The following SAMD4A variants were observed in gnomAD, a reference collection of about 807,000 sequenced individuals.
The protein encoded by SAMD4A is protein Smaug homolog 1.
A neutral mutation model predicts 81.3 loss-of-function variants in SAMD4A; 33 were observed. The observed-to-expected ratio is 0.41, with a 90% CI of 0.31 to 0.54. The LOEUF (loss-of-function observed/expected upper bound fraction) is 0.54, where lower values mean the gene tolerates loss of function less well. Ranked by LOEUF, SAMD4A falls within the 20% of genes least tolerant of loss-of-function variation. The pLI is 0.37. For missense variants in SAMD4A, 854 were observed against 951.1 expected (o/e 0.90, Z 1.34); for synonymous variants, 389 against 382.1 (o/e 1.02, Z -0.21).
intron 2 of SAMD4A, among the ~76,000 whole-genome samples, chr14:54,592,499 G>T (rs1003589205): frequency 6.6e-6 from 1 of 151,594 alleles, no homozygotes; most frequent in Admixed American, 6.6e-5. Context: ...TCGCTCTGTC[G>T]CCCAGGCTGG....
At chr14:54,750,488 T>A (rs2038075631) in intron 5 of SAMD4A, among the ~76,000 whole-genome samples, 2 of 152,208 alleles carry the variant, frequency 1.3e-5, no homozygotes, top group Admixed American at 1.3e-4. Flanking sequence ...ATCCTTAGGC[T>A]CACCATTGCT....
At chr14:54,607,237 G>T (rs2034231750) in intron 2 of SAMD4A, among the ~76,000 whole-genome samples, 1 of 125,770 alleles carries the variant, frequency 8.0e-6, no homozygotes, top group Admixed American at 8.3e-5. Context: ...GTAGCCCTCT[G>T]AGGAATGAAG....
rs556107493 is a variant in SAMD4A, at chr14:54,670,332, A to G, written c.197-31730A>G. On this transcript the variant is annotated intron_variant, in intron 2 of 12. Coordinates refer to ENST00000554335, the MANE Select transcript of SAMD4A (RefSeq NM_015589.6). The stretch of plus-strand genomic sequence containing the variant: ...GGAAGAAATGTGCATGTGTAAGGGT[A>G]GCTTTTCACATAAAAGACCAAAACC... Among the ~76,000 whole-genome samples, 4 of 152,352 alleles carry G rather than the reference A, an allele frequency of 2.6e-5. No homozygotes were observed. In the East Asian group the frequency reaches 7.7e-4, roughly 29 times the overall value.
At chr14:54,644,431 A>G (rs1339379512) in intron 2 of SAMD4A, among the ~76,000 whole-genome samples, 1 of 152,220 alleles carries the variant, frequency 6.6e-6, no homozygotes, top group African/African-American at 2.4e-5. Flanking sequence ...GCACCTGGCT[A>G]TGTACTTGAC....
chr14:54,638,698 G>A (rs147436090), intron 2 of SAMD4A, among the ~76,000 whole-genome samples: 1 of 152,248 alleles, frequency 6.6e-6, no homozygotes, highest in East Asian at 1.9e-4. Context: ...TAAGCCAGTC[G>A]TTTATCATGT....
chr14:54,777,601 C>G (rs1254462089), intron 11 of SAMD4A, among the ~76,000 whole-genome samples: 2 of 152,028 alleles, frequency 1.3e-5, no homozygotes, highest in Non-Finnish European at 2.9e-5. Flanking sequence ...ACTCTGGCCA[C>G]TCTCCCTGGG....
intron 2 of SAMD4A, among the ~76,000 whole-genome samples, chr14:54,690,752 GT>G (rs2036412105): frequency 6.6e-6 from 1 of 152,056 alleles, no homozygotes; most frequent in African/African-American, 2.4e-5. Flanking sequence ...ACTTCCAAAG[GT>G]GATGGTATGA....
At chr14:54,592,206 T>C (rs2033796511) in intron 2 of SAMD4A, among the ~76,000 whole-genome samples, 1 of 152,184 alleles carries the variant, frequency 6.6e-6, no homozygotes, top group African/African-American at 2.4e-5. Context: ...CTTCAACACT[T>C]ATCTACATTC....
chr14:54,653,298 TTAATATTA>T (rs1258122282), intron 2 of SAMD4A, among the ~76,000 whole-genome samples: 2 of 124,036 alleles, frequency 1.6e-5, no homozygotes, highest in Admixed American at 1.8e-4. Context: ...AGACTTCCTC[TTAATATTA>T]TTATTATTAT....
At chr14:54,761,991 T>C (rs918087017) in intron 7 of SAMD4A, among the ~76,000 whole-genome samples, 1 of 152,212 alleles carries the variant, frequency 6.6e-6, no homozygotes, top group African/African-American at 2.4e-5. Context: ...GTGCTTACAG[T>C]AGATGCCTCA....
At chr14:54,577,789 G>T (rs1470960786) in intron 2 of SAMD4A, among the ~76,000 whole-genome samples, 1 of 152,186 alleles carries the variant, frequency 6.6e-6, no homozygotes, top group Non-Finnish European at 1.5e-5. Context: ...ATGGCGGGGG[G>T]GCACTCGAAA....
At chr14:54,590,048 C>T (rs1054101104) in intron 2 of SAMD4A, among the ~76,000 whole-genome samples, 1 of 152,174 alleles carries the variant, frequency 6.6e-6, no homozygotes, top group Non-Finnish European at 1.5e-5. Context: ...TTGTTGACTG[C>T]TTTTTCTCTA....
At chr14:54,580,215 A>G (rs866988678) in intron 2 of SAMD4A, among the ~76,000 whole-genome samples, 50 of 152,210 alleles carry the variant, frequency 3.3e-4, no homozygotes, top group African/African-American at 1.0e-3. Flanking sequence ...CAACTTTCTC[A>G]TGGCCGACTT....
At chr14:54,712,755 AC>A (rs1485449914) in intron 3 of SAMD4A, among the ~76,000 whole-genome samples, 2 of 152,142 alleles carry the variant, frequency 1.3e-5, no homozygotes, top group African/African-American at 2.4e-5. Flanking sequence ...GGCTGCATGC[AC>A]CTTGGGTCAT....
At position 54,790,650 on chromosome 14, in the gene SAMD4A, C is replaced by A. The variant is rs1470627868; in HGVS notation, c.*1706C>A. The A allele has an allele frequency of 6.6e-6, 1 of 150,608 alleles. No homozygotes were observed. Among genetic ancestry groups the A allele is most frequent in the Non-Finnish European group, 1.5e-5 (1 of 67,940 alleles). The allele number at this position is 150,608 out of a possible 1,614,324, so 9.3% of individuals were successfully genotyped here. ...GAGATGGTACAAGGCCTGTTTGTTA[C>A]ATGGATGAGTCGGGTGCCTGGTTGT... On this transcript the variant is annotated 3_prime_UTR_variant, in exon 13 of 13. Transcript: ENST00000554335.
At chr14:54,733,701 C>G (rs976785708) in intron 3 of SAMD4A, among the ~76,000 whole-genome samples, 4 of 152,158 alleles carry the variant, frequency 2.6e-5, no homozygotes, top group African/African-American at 9.7e-5. Context: ...TAGCCATTGT[C>G]TGCTGCACAT....
At chr14:54,641,445 C>G (rs549187237) in intron 2 of SAMD4A, among the ~76,000 whole-genome samples, 3 of 152,332 alleles carry the variant, frequency 2.0e-5, no homozygotes, top group South Asian at 4.1e-4. Context: ...TATCTTAATT[C>G]TAGATTCTCA....
At chr14:54,682,062 G>A (rs958212723) in intron 2 of SAMD4A, 2 of 985,128 alleles carry the variant, frequency 2.0e-6, no homozygotes, top group Non-Finnish European at 2.4e-6. Flanking sequence ...CCTGAGGTAG[G>A]TATTTCATTA....
intron 6 of SAMD4A, among the ~76,000 whole-genome samples, chr14:54,757,189 T>C (rs2038261674): frequency 6.6e-6 from 1 of 152,196 alleles, no homozygotes; most frequent in South Asian, 2.1e-4. Context: ...GTCAGGAACA[T>C]GACCTGATGA....
Sources: allele counts gnomAD v4.1 joint callset (sites outside exome capture counted in the v4.1 genomes callset), GRCh38; gene constraint gnomAD v4.1.1; transcripts MANE v1.5; gene names NCBI Gene and HGNC (gene_info 2026-07-23, HGNC 2026-07-21).